STS: variants seen among roughly 807,000 people sequenced by gnomAD.
STS encodes the protein steroid sulfatase.
STS carries 7 observed loss-of-function variants against 26.8 expected under a neutral mutation model. The ratio of observed to expected loss-of-function variants is 0.26; its 90% confidence interval spans 0.15 to 0.49. STS has a LOEUF of 0.49. Ranked by LOEUF, STS falls within the 20% of genes least tolerant of loss-of-function variation. STS has a pLI of 0.98. For synonymous variants in STS, 199 were observed against 189.4 expected, an observed-to-expected ratio of 1.05 and a Z score of -0.42; for missense variants, 434 against 465.6, an observed-to-expected ratio of 0.93 and a Z score of 0.63.
intron 7 of STS, among the ~76,000 whole-genome samples, chrX:7,303,784 T>C (rs1926087833): frequency 1.8e-5 from 2 of 111,934 alleles, no homozygotes; most frequent in Non-Finnish European, 3.8e-5. Flanking sequence ...AGAAAGTCCA[T>C]GTTTCAGCTC....
intron 8 of STS, among the ~76,000 whole-genome samples, chrX:7,318,545 T>C (rs757223001): frequency 1.0e-3 from 114 of 111,990 alleles, no homozygotes; most frequent in African/African-American, 3.4e-3. Flanking sequence ...ACTCTCCCTT[T>C]ATAGCTTTAG....
intron 2 of STS, among the ~76,000 whole-genome samples, chrX:7,207,175 G>T (rs775003014): frequency 1.8e-5 from 2 of 111,746 alleles, no homozygotes; most frequent in Admixed American, 1.9e-4. Context: ...GGGCAACTGA[G>T]TGGCACCCTG....
chrX:7,344,619 C>T (rs775750632), intron 10 of STS, among the ~76,000 whole-genome samples: 2 of 111,740 alleles, frequency 1.8e-5, no homozygotes, highest in East Asian at 5.7e-4. Flanking sequence ...GCCATGCGGC[C>T]TTTCTGACTT....
intron 7 of STS, among the ~76,000 whole-genome samples, chrX:7,280,178 A>G (rs1292225977): frequency 8.9e-6 from 1 of 111,998 alleles, no homozygotes; most frequent in Non-Finnish European, 1.9e-5. Context: ...TTGGCAGTGT[A>G]GGGTGGGAGT....
chrX:7,263,225 C>G (rs763701225), intron 6 of STS, among the ~76,000 whole-genome samples: 1 of 111,245 alleles, frequency 9.0e-6, no homozygotes, highest in South Asian at 3.9e-4. Context: ...TGTGCCACCA[C>G]GCCCAGCTAA....
Position 7,287,333 on chromosome X carries a change from C to T in STS, c.943+11246C>T, listed in dbSNP as rs763992458. ...TGTTTTTCTGATTACCAAAGTAATC[C>T]GCAGTATGCAAAACCGAAGAATATA... is the stretch of plus-strand genomic sequence containing the variant. On this transcript the variant is annotated intron_variant, in intron 7 of 10. Coordinates refer to ENST00000674429, the MANE Select transcript of STS (RefSeq NM_001320752.2). Among the ~76,000 whole-genome samples the T allele has an allele frequency of 4.5e-5, 5 of 111,028 alleles. No individual in the cohort carries two copies. The South Asian group carries it at 1.5e-3, about 34-fold the overall frequency.
intron 3 of STS, among the ~76,000 whole-genome samples, chrX:7,254,464 T>G (rs1435593791): frequency 9.0e-6 from 1 of 111,199 alleles, no homozygotes; most frequent in South Asian, 3.8e-4. Context: ...ATAAAAATAG[T>G]TCTATGGAGA....
intron 10 of STS, among the ~76,000 whole-genome samples, chrX:7,337,557 A>G (rs1479169201): frequency 1.8e-5 from 2 of 112,330 alleles, no homozygotes; most frequent in Admixed American, 9.5e-5. Context: ...AATCTTAGGG[A>G]TAAGAGGGTT....
chrX:7,279,291 A>AT lies in STS; in HGVS notation c.943+3204_943+3205insT, dbSNP rs1246208494. Among the ~76,000 whole-genome samples, 130 of 60,499 alleles carry AT rather than the reference A, an allele frequency of 2.1e-3. 2 individuals are homozygous for AT. The highest frequency in any genetic ancestry group is 7.3e-3 in the East Asian group (13 of 1,784). 52.5% of individuals were successfully genotyped at this position (60,499 alleles called of 115,157 possible). A position where few individuals can be genotyped will look rare whatever the true frequency, so the allele number is the denominator to read the frequency against. ...TGTACTCCAGGAAGAAAAAAAAAAA[A>AT]AATATATATATATATATATATGTGT... On this transcript the variant is annotated intron_variant, in intron 7 of 10. Coordinates refer to ENST00000674429, the MANE Select transcript of STS (RefSeq NM_001320752.2).
intron 2 of STS, among the ~76,000 whole-genome samples, chrX:7,249,035 TCGGGAC>T (rs1267562483): frequency 9.0e-6 from 1 of 110,978 alleles, no homozygotes; most frequent in East Asian, 2.8e-4. Flanking sequence ...ATGTATGTCT[TCGGGAC>T]CTAAGGTAGG....
At chrX:7,192,886 C>T (rs1293169104) in intron 2 of STS, among the ~76,000 whole-genome samples, 1 of 112,338 alleles carries the variant, frequency 8.9e-6, no homozygotes, top group Non-Finnish European at 1.9e-5. Context: ...AACCATCCCA[C>T]GGTGCACCCA....
chrX:7,232,715 T>TA (rs1922119431), intron 2 of STS, among the ~76,000 whole-genome samples: 1 of 111,539 alleles, frequency 9.0e-6, no homozygotes, highest in South Asian at 3.7e-4. Context: ...AGTGATGTAG[T>TA]AAAAAAGGGA....
intron 7 of STS, among the ~76,000 whole-genome samples, chrX:7,288,817 C>T (rs1309789369): frequency 9.0e-6 from 1 of 111,039 alleles, no homozygotes; most frequent in Non-Finnish European, 1.9e-5. Context: ...ACTTTGTCTT[C>T]AGGTGGTAGG....
chrX:7,284,050 A>T (rs1851635314), intron 7 of STS, among the ~76,000 whole-genome samples: 1 of 111,112 alleles, frequency 9.0e-6, no homozygotes, highest in South Asian at 3.8e-4. Flanking sequence ...CTGTCCTGTG[A>T]TTCCTAGGGC....
chrX:7,214,955 ATATATATAT>A (rs1921189923), intron 2 of STS, among the ~76,000 whole-genome samples: 1 of 87,785 alleles, frequency 1.1e-5, no homozygotes, highest in African/African-American at 4.1e-5. Context: ...ATATATACGT[ATATATATAT>A]TATATATGTA....
At chrX:7,184,069 A>G (rs1327572762) in intron 1 of STS, among the ~76,000 whole-genome samples, 28 of 112,275 alleles carry the variant, frequency 2.5e-4, no homozygotes, top group African/African-American at 7.1e-4. Flanking sequence ...TTCTCCCACC[A>G]TGAACAAGCC....
chrX:7,325,913 C>T (rs1266707482), intron 9 of STS, among the ~76,000 whole-genome samples: 23 of 111,906 alleles, frequency 2.1e-4, no homozygotes, highest in African/African-American at 7.1e-4. Context: ...CTCTCTGGAA[C>T]GGGGGTCTTA....
intron 7 of STS, among the ~76,000 whole-genome samples, chrX:7,291,985 G>C (rs759965346): frequency 3.6e-4 from 40 of 112,200 alleles, no homozygotes; most frequent in Non-Finnish European, 7.1e-4. Context: ...CCGATTTGTT[G>C]CAAGTAAATA....
At chrX:7,258,105 CAT>C (rs1331519969) in intron 5 of STS, among the ~76,000 whole-genome samples, 3 of 92,669 alleles carry the variant, frequency 3.2e-5, no homozygotes, top group African/African-American at 1.2e-4. Context: ...GAAAAACAGA[CAT>C]AGATAGATAG....
Sources: gnomAD v4.1 joint callset for allele counts (sites outside exome capture counted in the v4.1 genomes callset) on GRCh38, gnomAD v4.1.1 for gene constraint, MANE v1.5 for transcripts, NCBI Gene and HGNC (gene_info 2026-07-23, HGNC 2026-07-21) for gene names.